TRHDE: variants seen among roughly 807,000 people sequenced by gnomAD.
The protein encoded by TRHDE is thyrotropin-releasing hormone-degrading ectoenzyme.
TRHDE carries 72 observed loss-of-function variants against 125.7 expected under a neutral mutation model. The observed-to-expected ratio is 0.57, with a 90% confidence interval of 0.47 to 0.70. The LOEUF (loss-of-function observed/expected upper bound fraction) is 0.70, where lower values mean the gene tolerates loss of function less well. TRHDE is among the 30% of genes least tolerant of loss of function. The pLI, the probability that TRHDE is intolerant of heterozygous loss-of-function variation, is 0.00. For missense variants in TRHDE, 1,110 were observed against 1,327.1 expected, an observed-to-expected ratio of 0.84 and a Z score of 2.54; for synonymous variants, 509 against 509.1, an observed-to-expected ratio of 1.00 and a Z score of 0.00.
chr12:72,398,822 G>T (rs1872915414), intron 3 of TRHDE, among the ~76,000 whole-genome samples: 1 of 152,196 alleles, frequency 6.6e-6, no homozygotes, highest in South Asian at 2.1e-4. Flanking sequence ...CAGAGGTGCA[G>T]ATTAAGTTGT....
chr12:72,626,125 G>A (rs1873247961), intron 15 of TRHDE, among the ~76,000 whole-genome samples: 1 of 151,948 alleles, frequency 6.6e-6, no homozygotes, highest in Non-Finnish European at 1.5e-5. Context: ...TGATGCTGTT[G>A]ATATAGGTAC....
At chr12:72,102,930 C>A (rs577511361) in intron 1 of TRHDE, among the ~76,000 whole-genome samples, 1 of 152,206 alleles carries the variant, frequency 6.6e-6, no homozygotes, top group Non-Finnish European at 1.5e-5. Context: ...TTGGGCAGCC[C>A]GTATCCAATG....
chr12:72,385,012 C>T (rs1872351125), intron 3 of TRHDE, among the ~76,000 whole-genome samples: 1 of 152,070 alleles, frequency 6.6e-6, no homozygotes, highest in African/African-American at 2.4e-5. Flanking sequence ...CTTAATCAAA[C>T]AGCTCATAGT....
At chr12:72,623,640 G>T (rs1873140519) in intron 15 of TRHDE, among the ~76,000 whole-genome samples, 2 of 151,992 alleles carry the variant, frequency 1.3e-5, no homozygotes, top group Non-Finnish European at 2.9e-5. Flanking sequence ...GATAGAGTGT[G>T]AACACAAAGA....
At chr12:72,630,583 G>A (rs548963865) in intron 15 of TRHDE, among the ~76,000 whole-genome samples, 28 of 151,772 alleles carry the variant, frequency 1.8e-4, no homozygotes, top group South Asian at 6.2e-4. Context: ...TTATATTCAA[G>A]CCTTGATGTA....
At chr12:72,552,859 G>A (rs1035658780) in intron 7 of TRHDE, among the ~76,000 whole-genome samples, 42 of 152,056 alleles carry the variant, frequency 2.8e-4, no homozygotes, top group African/African-American at 1.0e-3. Context: ...AAGATTAGAG[G>A]GAGCTGTAAT....
intron 12 of TRHDE, among the ~76,000 whole-genome samples, chr12:72,593,438 T>C (rs1871779525): frequency 6.6e-6 from 1 of 152,168 alleles, no homozygotes; most frequent in South Asian, 2.1e-4. Flanking sequence ...AGAAATAAAT[T>C]CAGTGATACA....
intron 2 of TRHDE, among the ~76,000 whole-genome samples, chr12:72,243,084 G>A (rs986618332): frequency 1.3e-5 from 2 of 152,158 alleles, no homozygotes; most frequent in African/African-American, 4.8e-5. Context: ...CTGCCATTGT[G>A]TTACCAGCCT....
chr12:72,472,471 T>C (rs180902996), intron 4 of TRHDE, among the ~76,000 whole-genome samples: 3 of 152,308 alleles, frequency 2.0e-5, no homozygotes, highest in Admixed American at 2.0e-4. Context: ...AATAGAATCA[T>C]GGAGAGTCAA....
intron 2 of TRHDE, among the ~76,000 whole-genome samples, chr12:72,178,180 G>A (rs1351111849): frequency 6.6e-6 from 1 of 151,966 alleles, no homozygotes; most frequent in Non-Finnish European, 1.5e-5. Context: ...AAACACATAG[G>A]GAGAGTATTT....
chr12:72,425,793 G>T (rs1012770763), intron 3 of TRHDE, among the ~76,000 whole-genome samples: 3 of 151,904 alleles, frequency 2.0e-5, no homozygotes, highest in Non-Finnish European at 4.4e-5. Flanking sequence ...TTTACTATTT[G>T]GTTTTTACTA....
intron 2 of TRHDE, among the ~76,000 whole-genome samples, chr12:72,330,555 G>A (rs1227176435): frequency 6.6e-6 from 1 of 152,114 alleles, no homozygotes; most frequent in Non-Finnish European, 1.5e-5. Flanking sequence ...TAGACCCACT[G>A]GTGTACGTAG....
At chr12:72,278,682 C>T (rs188678149) in intron 1 of TRHDE, among the ~76,000 whole-genome samples, 11 of 152,266 alleles carry the variant, frequency 7.2e-5, no homozygotes, top group Non-Finnish European at 1.0e-4. Context: ...TTGCATTTCC[C>T]TGATGATAAG....
chr12:72,334,126 A>G (rs1234555723), intron 2 of TRHDE, among the ~76,000 whole-genome samples: 1 of 152,214 alleles, frequency 6.6e-6, no homozygotes, highest in Non-Finnish European at 1.5e-5. Flanking sequence ...GGCATGGCAT[A>G]AAATAATCAC....
intron 1 of TRHDE, among the ~76,000 whole-genome samples, chr12:72,285,038 C>A (rs1054856583): frequency 6.6e-6 from 1 of 152,110 alleles, no homozygotes; most frequent in African/African-American, 2.4e-5. Context: ...AAATAAGTAA[C>A]TATTAATTTT....
chr12:72,511,699 T>G (rs1334441762), intron 6 of TRHDE, among the ~76,000 whole-genome samples: 17 of 152,156 alleles, frequency 1.1e-4, no homozygotes, highest in South Asian at 2.1e-4. Context: ...AGTTTTCCTT[T>G]GCACACATAT....
intron 7 of TRHDE, among the ~76,000 whole-genome samples, chr12:72,553,741 C>A (rs1039840324): frequency 6.6e-6 from 1 of 151,910 alleles, no homozygotes; most frequent in African/African-American, 2.4e-5. Context: ...CCACACCCCC[C>A]ACCCCACCCA....
chr12:72,198,932 G>GGA (rs111453106), intron 2 of TRHDE, among the ~76,000 whole-genome samples: 5,407 of 147,188 alleles, frequency 0.037, 113 homozygotes, highest in East Asian at 0.071. Flanking sequence ...TGGTGAAGCA[G>GGA]GAGAGAGAGA....
At chr12:72,506,475 CATGT>C (rs1381793403) in intron 6 of TRHDE, among the ~76,000 whole-genome samples, 1 of 152,106 alleles carries the variant, frequency 6.6e-6, no homozygotes, top group African/African-American at 2.4e-5. Context: ...AAATGTTTTG[CATGT>C]ATTATCCCAT....
Sources: allele counts gnomAD v4.1 joint callset (sites outside exome capture counted in the v4.1 genomes callset), GRCh38; gene constraint gnomAD v4.1.1; transcripts MANE v1.5; gene names NCBI Gene and HGNC (gene_info 2026-07-23, HGNC 2026-07-21).